MAML2: variants seen among roughly 807,000 people sequenced by gnomAD.
The protein encoded by MAML2 is mastermind like transcriptional coactivator 2, also known as mastermind-like protein 2.
In MAML2, 22 loss-of-function variants were observed where a neutral mutation model predicts 96.1. That is an observed-to-expected ratio of 0.23 (90% CI 0.16 to 0.33). MAML2 has a LOEUF of 0.33. Ranked by LOEUF, MAML2 falls within the 10% of genes least tolerant of loss-of-function variation. MAML2 has a pLI of 1.00. For missense variants in MAML2, 1,367 were observed against 1,392.4 expected (o/e 0.98, Z 0.29); for synonymous variants, 561 against 521.3 (o/e 1.08, Z -1.04).
chr11:96,323,501 T>C (rs1470799605), intron 1 of MAML2, among the ~76,000 whole-genome samples: 1 of 145,392 alleles, frequency 6.9e-6, no homozygotes, highest in Non-Finnish European at 1.5e-5. Context: ...AAAAAACCCA[T>C]CTGCATGCTC....
intron 1 of MAML2, among the ~76,000 whole-genome samples, chr11:96,318,754 G>C (rs1202572246): frequency 1.3e-5 from 2 of 152,184 alleles, no homozygotes; most frequent in Non-Finnish European, 2.9e-5. Flanking sequence ...TAAAATAGCT[G>C]TCCTCAGTAT....
Position 95,978,763 on chromosome 11 carries a change from G to C in MAML2, c.*185C>G, listed in dbSNP as rs1307404205. 1 of 589,494 alleles carries C rather than the reference G, an allele frequency of 1.7e-6. No individual in the cohort carries two copies. The highest frequency in any genetic ancestry group is 1.9e-5 in the African/African-American group (1 of 53,500). The allele number at this position is 589,494 out of a possible 1,614,324, so 36.5% of individuals were successfully genotyped here. On this transcript the variant is annotated 3_prime_UTR_variant, in exon 5 of 5. Transcript: ENST00000524717. ...AGTGATCCCAATATTTTACTTTCAG[G>C]TGTAAGATTTAAAACAAGAATTTGG...
At position 95,999,060 on chromosome 11, in the gene MAML2, C is replaced by A. The variant is rs189235321; in HGVS notation, c.2140-7337G>T. Among the ~76,000 whole-genome samples, 68 of 152,228 alleles carry A rather than the reference C, an allele frequency of 4.5e-4. 1 individual carries two copies. The highest frequency in any genetic ancestry group is 4.4e-5 in the Non-Finnish European group (3 of 67,994). On this transcript the variant is annotated intron_variant, in intron 2 of 4. Coordinates refer to ENST00000524717, the MANE Select transcript of MAML2 (RefSeq NM_032427.4). ...GTTTCTCTCAAAGGCAGTTTGAAGT[C>A]CTTTTGTAAAAAAGTCCAAATTAAA...
At chr11:96,015,493 G>A (rs1023262405) in intron 2 of MAML2, among the ~76,000 whole-genome samples, 1 of 141,104 alleles carries the variant, frequency 7.1e-6, no homozygotes, top group African/African-American at 2.6e-5. Flanking sequence ...AAAGAATGAA[G>A]CTTCTGACAT....
chr11:96,199,196 C>CAAAAAAAAA (rs71459791), intron 1 of MAML2, among the ~76,000 whole-genome samples: 3 of 58,590 alleles, frequency 5.1e-5, no homozygotes, highest in African/African-American at 1.4e-4. Context: ...GCCTCCGTCT[C>CAAAAAAAAA]AAAAAAAAAA....
intron 2 of MAML2, among the ~76,000 whole-genome samples, chr11:96,038,233 A>AT (rs1025052209): frequency 2.6e-4 from 40 of 152,132 alleles, no homozygotes; most frequent in African/African-American, 8.5e-4. Flanking sequence ...TGTACTAGAC[A>AT]TTTTTTTGTT....
At chr11:96,138,401 A>G (rs1404549360) in intron 1 of MAML2, among the ~76,000 whole-genome samples, 1 of 152,138 alleles carries the variant, frequency 6.6e-6, no homozygotes, top group Non-Finnish European at 1.5e-5. Flanking sequence ...TTTGTGGCCA[A>G]AGGAAGTTAT....
intron 1 of MAML2, among the ~76,000 whole-genome samples, chr11:96,139,590 T>C (rs930020429): frequency 2.6e-5 from 4 of 151,428 alleles, no homozygotes. Flanking sequence ...TCCCCAACCA[T>C]GTTAAATTCT....
intron 1 of MAML2, among the ~76,000 whole-genome samples, chr11:96,266,961 C>T (rs779002859): frequency 5.3e-5 from 8 of 152,202 alleles, no homozygotes; most frequent in Non-Finnish European, 1.0e-4. Context: ...TTGAGCAAAT[C>T]ATACATTATT....
intron 1 of MAML2, among the ~76,000 whole-genome samples, chr11:96,266,939 G>A (rs1407255125): frequency 1.3e-5 from 2 of 152,188 alleles, no homozygotes; most frequent in African/African-American, 2.4e-5. Flanking sequence ...TTATTGAGAA[G>A]TAAATCTCCC....
chr11:96,157,790 C>G (rs114099088), intron 1 of MAML2, among the ~76,000 whole-genome samples: 161 of 152,194 alleles, frequency 1.1e-3, no homozygotes, highest in African/African-American at 3.6e-3. Flanking sequence ...ATTTCCATGG[C>G]CAGAAAGAAT....
intron 1 of MAML2, among the ~76,000 whole-genome samples, chr11:96,264,466 G>C (rs985612687): frequency 6.6e-6 from 1 of 152,118 alleles, no homozygotes; most frequent in Non-Finnish European, 1.5e-5. Context: ...TATGTTTTAC[G>C]GCTGGACTTG....
intron 1 of MAML2, among the ~76,000 whole-genome samples, chr11:96,155,509 A>AATACATATAT (rs541216405): frequency 0.02 from 1,483 of 74,786 alleles, 157 homozygotes; most frequent in Non-Finnish European, 0.026. Flanking sequence ...TAACAATTCA[A>AATACATATAT]ATATATATAT....
At chr11:96,012,113 G>A (rs1333160421) in intron 2 of MAML2, among the ~76,000 whole-genome samples, 2 of 152,128 alleles carry the variant, frequency 1.3e-5, no homozygotes, top group East Asian at 3.8e-4. Context: ...TTAGTTACCT[G>A]TTCTCCGTTT....
At chr11:96,106,814 C>G (rs1048065050) in intron 1 of MAML2, among the ~76,000 whole-genome samples, 1 of 151,806 alleles carries the variant, frequency 6.6e-6, no homozygotes, top group Non-Finnish European at 1.5e-5. Context: ...GGACTTAACT[C>G]CCCCCTACCC....
intron 1 of MAML2, among the ~76,000 whole-genome samples, chr11:96,244,152 C>G (rs1402890523): frequency 6.6e-6 from 1 of 152,190 alleles, no homozygotes; most frequent in Non-Finnish European, 1.5e-5. Flanking sequence ...AAACCGTGTT[C>G]CAGATGTTTT....
intron 2 of MAML2, among the ~76,000 whole-genome samples, chr11:96,053,674 A>G (rs569171687): frequency 6.6e-6 from 1 of 152,152 alleles, no homozygotes; most frequent in Non-Finnish European, 1.5e-5. Flanking sequence ...ACACTATCAA[A>G]TTTTCCTGTG....
intron 1 of MAML2, among the ~76,000 whole-genome samples, chr11:96,329,549 G>A (rs1372701918): frequency 6.6e-6 from 1 of 152,210 alleles, no homozygotes; most frequent in Admixed American, 6.5e-5. Flanking sequence ...AGAGGCCTAA[G>A]AAGTGATACA....
At chr11:96,311,552 C>T (rs747683713) in intron 1 of MAML2, among the ~76,000 whole-genome samples, 1 of 152,178 alleles carries the variant, frequency 6.6e-6, no homozygotes, top group Non-Finnish European at 1.5e-5. Context: ...AGATAGGATT[C>T]TCATAGCTGA....
Sources: allele counts gnomAD v4.1 joint callset (sites outside exome capture counted in the v4.1 genomes callset), GRCh38; gene constraint gnomAD v4.1.1; transcripts MANE v1.5; gene names NCBI Gene and HGNC (gene_info 2026-07-23, HGNC 2026-07-21).